CSMD3: variants seen among roughly 807,000 people sequenced by gnomAD.
CSMD3 encodes the protein CUB and Sushi multiple domains 3.
A neutral mutation model predicts 435.2 loss-of-function variants in CSMD3; 177 were observed. The ratio of observed to expected loss-of-function variants is 0.41; its 90% CI spans 0.36 to 0.46. The LOEUF is 0.46. Ranked by LOEUF, CSMD3 falls within the 20% of genes least tolerant of loss-of-function variation. The pLI, the probability that CSMD3 is intolerant of heterozygous loss-of-function variation, is 0.34. For missense variants in CSMD3, 4,265 were observed against 4,504.6 expected, an observed-to-expected ratio of 0.95 and a Z score of 1.52; for synonymous variants, 1,656 against 1,520.5, an observed-to-expected ratio of 1.09 and a Z score of -2.07.
intron 13 of CSMD3, among the ~76,000 whole-genome samples, chr8:112,734,571 G>A (rs878958694): frequency 6.6e-6 from 1 of 151,780 alleles, no homozygotes; most frequent in Admixed American, 6.6e-5. Context: ...TTCTAATCGG[G>A]GCTGAATTTG....
intron 2 of CSMD3, among the ~76,000 whole-genome samples, chr8:113,287,367 G>C (rs552232590): frequency 6.6e-6 from 1 of 152,138 alleles, no homozygotes; most frequent in Non-Finnish European, 1.5e-5. Flanking sequence ...ACAGGAACAA[G>C]CTGATATTTA....
At position 112,295,956 on chromosome 8, in the gene CSMD3, C is replaced by T. The variant is rs747383324; in HGVS notation, c.8491G>A (p.Glu2831Lys). The T allele has an allele frequency of 3.1e-6, 5 of 1,613,520 alleles. No homozygotes were observed. The African/African-American group carries it at 4.0e-5, about 13-fold the overall frequency. ...ACTGTGTCTCTATATCCATAATTTT[C>T]TCCAATGACTTGACCATTCACAATC... ...ELIVNGQVIGENYGYRDTVVY... is the reference protein window; with the variant it reads ...ELIVNGQVIGKNYGYRDTVVY... The change falls in exon 54 of 71, where the codon GAA becomes AAA. Residue 2831 changes from glutamate (E) to lysine (K), a missense_variant. Physicochemically the swap from Glu to Lys is moderately conservative, Grantham distance 56. Coordinates refer to ENST00000297405, the MANE Select transcript of CSMD3 (RefSeq NM_198123.2).
chr8:112,662,119 G>A (rs1000061348), intron 17 of CSMD3, among the ~76,000 whole-genome samples: 20 of 152,084 alleles, frequency 1.3e-4, no homozygotes, highest in Admixed American at 4.6e-4. Context: ...TAGATTCAAT[G>A]CCATCCCCAT....
intron 32 of CSMD3, among the ~76,000 whole-genome samples, chr8:112,462,151 C>A (rs1817511205): frequency 6.6e-6 from 1 of 152,224 alleles, no homozygotes; most frequent in Non-Finnish European, 1.5e-5. Flanking sequence ...ACCGCTCAAT[C>A]TTCTCTTCAG....
At chr8:112,610,472 C>A (rs2131465191) in intron 22 of CSMD3, among the ~76,000 whole-genome samples, 1 of 152,176 alleles carries the variant, frequency 6.6e-6, no homozygotes, top group Middle Eastern at 3.4e-3. Flanking sequence ...TATCACATTT[C>A]AAATGGCAGT....
At chr8:112,461,622 A>G (rs1445321641) in intron 32 of CSMD3, among the ~76,000 whole-genome samples, 2 of 152,176 alleles carry the variant, frequency 1.3e-5, no homozygotes, top group Non-Finnish European at 2.9e-5. Context: ...TTTGTAATGA[A>G]TTGAAAAATG....
intron 45 of CSMD3, among the ~76,000 whole-genome samples, chr8:112,321,275 A>G: frequency 6.6e-6 from 1 of 152,308 alleles, no homozygotes; most frequent in South Asian, 2.1e-4. Flanking sequence ...AGAGCACACA[A>G]TTAGTACAGG....
chr8:112,703,651 G>C (rs747530345), intron 13 of CSMD3, among the ~76,000 whole-genome samples: 2 of 152,116 alleles, frequency 1.3e-5, no homozygotes, highest in Non-Finnish European at 2.9e-5. Flanking sequence ...GGTTAAAAGA[G>C]AGTGATCTGT....
intron 3 of CSMD3, among the ~76,000 whole-genome samples, chr8:113,180,591 A>T (rs2092409038): frequency 6.6e-6 from 1 of 152,100 alleles, no homozygotes; most frequent in East Asian, 1.9e-4. Context: ...GCAAAAAAGA[A>T]TTAAACTAAT....
intron 13 of CSMD3, among the ~76,000 whole-genome samples, chr8:112,789,619 GATAA>G (rs1718511166): frequency 6.6e-6 from 1 of 150,560 alleles, no homozygotes; most frequent in Non-Finnish European, 1.5e-5. Flanking sequence ...GTATATGACA[GATAA>G]TTCAGTTCCT....
Position 112,947,808 on chromosome 8 carries a change from C to A in CSMD3, c.1490G>T (p.Arg497Ile), listed in dbSNP as rs144548295. The A allele has an allele frequency of 1.5e-4, 222 of 1,441,312 alleles. 2 individuals carry two copies. In the African/African-American group the frequency reaches 2.4e-3, roughly 16 times the overall value. 89.3% of individuals were successfully genotyped at this position (1,441,312 alleles called of 1,614,324 possible). A position where few individuals can be genotyped will look rare whatever the true frequency, so the allele number is the denominator to read the frequency against. Residue 497 changes from arginine to isoleucine, a missense_variant, in exon 9 of 71, where the codon AGA (arginine) becomes ATA (isoleucine). Around this residue, in one of 3 missense-constraint regions of CSMD3, gnomAD observed 731 missense variants for 755.4 expected, o/e 0.97. Transcript: ENST00000297405. ...ATATTACCTAAAATCTGATCCGATTCTCTTCCCATTTTCTGGTTCTCCTGG... is the reference window on the plus strand; with the variant it reads ...ATATTACCTAAAATCTGATCCGATTATCTTCCCATTTTCTGGTTCTCCTGG... ...PDPGEPENGK[R>I]IGSDFSLGST...
At chr8:113,224,453 A>C (rs2093003757) in intron 3 of CSMD3, among the ~76,000 whole-genome samples, 1 of 151,248 alleles carries the variant, frequency 6.6e-6, no homozygotes, top group Non-Finnish European at 1.5e-5. Context: ...TATGTCAATT[A>C]TTATTCTCAA....
intron 3 of CSMD3, among the ~76,000 whole-genome samples, chr8:113,249,095 A>G (rs1026773343): frequency 6.6e-6 from 1 of 151,926 alleles, no homozygotes; most frequent in Non-Finnish European, 1.5e-5. Flanking sequence ...GTCTCACAAG[A>G]TCTAATGGTC....
At chr8:113,426,519 C>T (rs2094636655) in intron 1 of CSMD3, among the ~76,000 whole-genome samples, 1 of 150,514 alleles carries the variant, frequency 6.6e-6, no homozygotes, top group African/African-American at 2.4e-5. Flanking sequence ...AAAAACAAAA[C>T]AGCCCCATAG....
intron 3 of CSMD3, among the ~76,000 whole-genome samples, chr8:113,214,926 A>G (rs2092884230): frequency 6.6e-6 from 1 of 151,986 alleles, no homozygotes; most frequent in African/African-American, 2.4e-5. Context: ...ATCGAATTCT[A>G]TATATAACAA....
At chr8:112,721,184 T>C (rs993916590) in intron 13 of CSMD3, among the ~76,000 whole-genome samples, 4 of 152,174 alleles carry the variant, frequency 2.6e-5, no homozygotes, top group African/African-American at 2.4e-5. Context: ...TCATCATATA[T>C]ATGCTGACAG....
chr8:112,405,712 T>C (rs1724511928), intron 35 of CSMD3, among the ~76,000 whole-genome samples: 1 of 152,002 alleles, frequency 6.6e-6, no homozygotes, highest in Non-Finnish European at 1.5e-5. Context: ...TATATTTTTA[T>C]ACATATCTGT....
At chr8:112,287,641 C>G (rs1329024111) in intron 57 of CSMD3, among the ~76,000 whole-genome samples, 1 of 151,986 alleles carries the variant, frequency 6.6e-6, no homozygotes, top group African/African-American at 2.4e-5. Flanking sequence ...GTTTCCTTTT[C>G]TGAATTTCCT....
At chr8:112,713,283 A>C (rs2076649361) in intron 13 of CSMD3, among the ~76,000 whole-genome samples, 1 of 152,036 alleles carries the variant, frequency 6.6e-6, no homozygotes. Context: ...CAATAGCCGA[A>C]TTGATTAAGT....
Sources: allele counts gnomAD v4.1 joint callset (sites outside exome capture counted in the v4.1 genomes callset), GRCh38; gene constraint gnomAD v4.1.1; regional missense constraint gnomAD v4.1.1; transcripts MANE v1.5; gene names NCBI Gene and HGNC (gene_info 2026-07-23, HGNC 2026-07-21).